Variants in OPCML observed in about 807,000 individuals in gnomAD.
The protein encoded by OPCML is opioid-binding protein/cell adhesion molecule.
Under a neutral mutation model 37.8 loss-of-function variants are expected in OPCML, and 13 were observed. The ratio of observed to expected loss-of-function variants is 0.34; its 90% CI spans 0.22 to 0.55. The LOEUF (loss-of-function observed/expected upper bound fraction) is 0.55. Ranked by LOEUF, OPCML falls within the 20% of genes least tolerant of loss-of-function variation. OPCML has a pLI of 0.91. For synonymous variants in OPCML, 176 were observed against 168.8 expected, an observed-to-expected ratio of 1.04 and a Z score of -0.33; for missense variants, 341 against 435.6, an observed-to-expected ratio of 0.78 and a Z score of 1.93.
chr11:133,159,628 C>T (rs1030420401), intron 1 of OPCML, among the ~76,000 whole-genome samples: 2 of 152,206 alleles, frequency 1.3e-5, no homozygotes, highest in African/African-American at 4.8e-5. Context: ...AGTAATAAAT[C>T]TGTATTGCGT....
At chr11:132,808,989 C>CG (rs369391702) in intron 2 of OPCML, among the ~76,000 whole-genome samples, 35 of 150,530 alleles carry the variant, frequency 2.3e-4, no homozygotes, top group Admixed American at 1.6e-3. Flanking sequence ...TCGGTGGGGG[C>CG]GGGGGGGTTG....
chr11:132,811,653 G>A (rs1204378807), intron 2 of OPCML, among the ~76,000 whole-genome samples: 1 of 152,078 alleles, frequency 6.6e-6, no homozygotes, highest in Non-Finnish European at 1.5e-5. Context: ...CCGCTAATTA[G>A]AGCCCCACAT....
chr11:132,681,401 G>A (rs563467536), intron 2 of OPCML, among the ~76,000 whole-genome samples: 1 of 152,278 alleles, frequency 6.6e-6, no homozygotes, highest in South Asian at 2.1e-4. Context: ...GTCGGAGACT[G>A]CAGTTCGACA....
chr11:133,282,024 C>T (rs11223429), intron 1 of OPCML, among the ~76,000 whole-genome samples: 1 of 150,740 alleles, frequency 6.6e-6, no homozygotes, highest in Non-Finnish European at 1.5e-5. Context: ...ACAACAACAA[C>T]AAAAAAAAAC....
At chr11:133,321,295 C>T (rs965322330) in intron 1 of OPCML, among the ~76,000 whole-genome samples, 2 of 152,162 alleles carry the variant, frequency 1.3e-5, no homozygotes, top group African/African-American at 4.8e-5. Context: ...TCAGAAGCTC[C>T]GTAAGTACCG....
intron 3 of OPCML, among the ~76,000 whole-genome samples, chr11:132,550,889 C>A (rs7947822): frequency 0.31 from 46,742 of 152,170 alleles, 7,455 homozygotes; most frequent in Middle Eastern, 0.41. Flanking sequence ...TGCCTGAATT[C>A]TGCTACCTTC....
At chr11:132,553,461 A>T (rs73034689) in intron 3 of OPCML, among the ~76,000 whole-genome samples, 4,113 of 152,280 alleles carry the variant, frequency 0.027, 124 homozygotes, top group South Asian at 0.076. Context: ...GACCCCCACA[A>T]GGAAGAGTGT....
chr11:132,880,651 C>A (rs941294561), intron 2 of OPCML, among the ~76,000 whole-genome samples: 1 of 152,110 alleles, frequency 6.6e-6, no homozygotes, highest in Admixed American at 6.5e-5. Context: ...AAGTGAACGC[C>A]CAAAAGGAAA....
intron 2 of OPCML, among the ~76,000 whole-genome samples, chr11:132,822,091 C>G (rs1369375336): frequency 6.6e-6 from 1 of 152,166 alleles, no homozygotes; most frequent in African/African-American, 2.4e-5. Context: ...ATCCTCAGAC[C>G]AGCAAGCCTG....
chr11:132,486,336 G>T (rs148220281), intron 4 of OPCML, among the ~76,000 whole-genome samples: 2 of 152,152 alleles, frequency 1.3e-5, no homozygotes, highest in Non-Finnish European at 2.9e-5. Context: ...TTTGATGATA[G>T]TAAGAATGTG....
intron 1 of OPCML, among the ~76,000 whole-genome samples, chr11:133,322,375 T>C (rs1469438465): frequency 6.6e-6 from 1 of 152,246 alleles, no homozygotes; most frequent in Non-Finnish European, 1.5e-5. Flanking sequence ...ATAATACATA[T>C]GTTTTAATGC....
intron 1 of OPCML, among the ~76,000 whole-genome samples, chr11:133,186,268 G>C (rs191394500): frequency 1.3e-5 from 2 of 152,134 alleles, no homozygotes; most frequent in Non-Finnish European, 2.9e-5. Flanking sequence ...ACACATCAGG[G>C]ATACAATAGA....
rs970167874 is a variant in OPCML, at chr11:132,943,819, G to A, written c.62-809C>T. ...GCGGACGGCGGCCCCCGCCTCCTCC[G>A]GGGACGCGGCACGAGACGCGGGGAC... On this transcript the variant is annotated intron_variant, in intron 1 of 7. Coordinates refer to ENST00000524381, the MANE Select transcript of OPCML (RefSeq NM_001012393.5). This position sits in a 1 kb window ranked among gnomAD's most constrained non-coding sequence, Gnocchi z 4.3. The A allele has an allele frequency of 6.7e-6, 1 of 150,368 alleles. No individual in the cohort carries two copies. Among genetic ancestry groups the A allele is most frequent in the African/African-American group, 2.4e-5 (1 of 41,224 alleles). 9.3% of individuals were successfully genotyped at this position (150,368 alleles called of 1,614,324 possible).
chr11:133,126,360 A>G (rs1949515748), intron 1 of OPCML, among the ~76,000 whole-genome samples: 1 of 152,136 alleles, frequency 6.6e-6, no homozygotes. Flanking sequence ...TGTGAGGGTG[A>G]TCTGAATTCA....
Position 133,127,021 on chromosome 11 carries a change from A to T in OPCML, c.62-184011T>A, listed in dbSNP as rs80071117. 3.3e-5 allele frequency among the ~76,000 whole-genome samples: 5 copies of T among 152,266 alleles called. No homozygotes were observed. In the East Asian group the frequency reaches 9.7e-4, roughly 29 times the overall value. On this transcript the variant is annotated intron_variant, in intron 1 of 7. Transcript: ENST00000524381. ...TCACTGCATGGCCAGCTCTATTGAC[A>T]CTACCTCCTTTTTCCCATCTCCAAA...
intron 1 of OPCML, among the ~76,000 whole-genome samples, chr11:133,104,082 G>C (rs1298807082): frequency 6.6e-6 from 1 of 152,220 alleles, no homozygotes; most frequent in Non-Finnish European, 1.5e-5. Flanking sequence ...TCCCTGCTCA[G>C]TCACAGCCCA....
chr11:132,425,364 T>C (rs187186217), intron 7 of OPCML, among the ~76,000 whole-genome samples: 7 of 152,350 alleles, frequency 4.6e-5, no homozygotes, highest in African/African-American at 1.4e-4. Flanking sequence ...GCCTGTTGGA[T>C]AGTCTTAAGA....
chr11:132,648,848 AT>A (rs911642179), intron 3 of OPCML, among the ~76,000 whole-genome samples: 3 of 150,596 alleles, frequency 2.0e-5, no homozygotes, highest in Admixed American at 6.6e-5. Flanking sequence ...CCAGAGTCAC[AT>A]TTTTTTTTGG....
chr11:132,583,881 T>TG (rs1484721637), intron 3 of OPCML, among the ~76,000 whole-genome samples: 1 of 152,134 alleles, frequency 6.6e-6, no homozygotes, highest in East Asian at 1.9e-4. Context: ...CCCAAAGTGC[T>TG]GGGATTACAG....
Sources: allele counts gnomAD v4.1 joint callset (sites outside exome capture counted in the v4.1 genomes callset), GRCh38; gene constraint gnomAD v4.1.1; non-coding constraint Gnocchi (gnomAD v3.1); transcripts MANE v1.5; gene names NCBI Gene and HGNC (gene_info 2026-07-23, HGNC 2026-07-21).